SKP1: variants seen among roughly 807,000 people sequenced by gnomAD.
SKP1 encodes the protein S-phase kinase-associated protein 1.
A neutral mutation model predicts 21.5 loss-of-function variants in SKP1; 1 was observed. The ratio of observed to expected loss-of-function variants is 0.05; its 90% CI spans 0.02 to 0.22. SKP1 has a LOEUF of 0.22. SKP1 is among the 10% of genes least tolerant of loss of function. The probability of loss-of-function intolerance (pLI) is 1.00; values close to 1 mark genes in which losing one functional copy is unlikely to be tolerated. For synonymous variants in SKP1, 59 were observed against 59.3 expected (o/e 0.99, Z 0.03); for missense variants, 70 against 192.0 (o/e 0.36, Z 3.76).
intron 3 of SKP1, among the ~76,000 whole-genome samples, chr5:134,166,773 A>T (rs1427304762): frequency 6.6e-6 from 1 of 152,158 alleles, no homozygotes; most frequent in Non-Finnish European, 1.5e-5. Flanking sequence ...TCTAAGAAAG[A>T]CAGTCACGAT....
At chr5:134,170,023 G>C (rs1342070152) in intron 2 of SKP1, among the ~76,000 whole-genome samples, 2 of 139,664 alleles carry the variant, frequency 1.4e-5, no homozygotes, top group Non-Finnish European at 3.1e-5. Flanking sequence ...AAAAAAATTA[G>C]CTGGGTGTGG....
At position 134,160,971 on chromosome 5, in the gene SKP1, C is replaced by G; in HGVS notation, c.315+16G>C. 1 of 1,596,616 alleles carries G rather than the reference C, an allele frequency of 6.3e-7. No individual in the cohort carries two copies. The highest frequency in any genetic ancestry group is 1.3e-5 in the African/African-American group (1 of 74,638). On this transcript the variant is annotated intron_variant, in intron 4 of 5. Coordinates refer to ENST00000353411, the MANE Select transcript of SKP1 (RefSeq NM_170679.3). ...AAGGCTCTAGAGTAGAGCTATCTTA[C>G]ACATTAAAAACTTACCAGAATGAGT...
In SKP1 at chr5:134,151,755, A is replaced by G. The variant is rs1253086904; in HGVS notation, c.*5978T>C. ...ACATTCCTCCCATAGAATGCTGCTC[A>G]ATACTGGCACACAGACCAGAGGTAG... On this transcript the variant is annotated 3_prime_UTR_variant, in exon 6 of 6. Coordinates refer to ENST00000353411, the MANE Select transcript of SKP1 (RefSeq NM_170679.3). 3 of 454,340 alleles carry G rather than the reference A, an allele frequency of 6.6e-6. 1 individual carries two copies. The highest frequency in any genetic ancestry group is 6.5e-4 in the Middle Eastern group (2 of 3,090). The allele number at this position is 454,340 out of a possible 1,614,324, so 28.1% of individuals were successfully genotyped here.
chr5:134,159,119 ACTTTT>A (rs1272282456), intron 4 of SKP1, among the ~76,000 whole-genome samples: 4 of 152,098 alleles, frequency 2.6e-5, no homozygotes, highest in African/African-American at 9.7e-5. Flanking sequence ...CCGATTTGAA[ACTTTT>A]CTTCTTTTCT....
At chr5:134,166,770 A>C (rs1160210572) in intron 3 of SKP1, among the ~76,000 whole-genome samples, 1 of 152,184 alleles carries the variant, frequency 6.6e-6, no homozygotes, top group Non-Finnish European at 1.5e-5. Flanking sequence ...AAATCTAAGA[A>C]AGACAGTCAC....
chr5:134,175,973 A>T (rs1305946572), intron 1 of SKP1, among the ~76,000 whole-genome samples: 1 of 152,184 alleles, frequency 6.6e-6, no homozygotes, highest in African/African-American at 2.4e-5. Context: ...CGAAATTCTG[A>T]CACTGCTTTT....
chr5:134,161,757 C>T (rs1388973445), intron 3 of SKP1: 1 of 152,168 alleles, frequency 6.6e-6, no homozygotes, highest in South Asian at 2.1e-4. Flanking sequence ...ACCCTAGACA[C>T]ATGTGTGAGA....
Position 134,164,322 on chromosome 5 carries a change from G to GAA in SKP1, c.171+2846_171+2847dup, listed in dbSNP as rs55637997. On this transcript the variant is annotated intron_variant, in intron 3 of 5. Coordinates refer to ENST00000353411, the MANE Select transcript of SKP1 (RefSeq NM_170679.3). Reference sequence around the variant, plus strand: ...CAACAAGAGCAAAACTCCATCTCAAGAAAAAAAAAAAAAAAAAAAAAAAAA... The same window carrying GAA: ...CAACAAGAGCAAAACTCCATCTCAAGAAAAAAAAAAAAAAAAAAAAAAAAAAA... Among the ~76,000 whole-genome samples the GAA allele has an allele frequency of 1.8e-3, 223 of 122,062 alleles. 1 individual carries two copies. Among genetic ancestry groups the GAA allele is most frequent in the Middle Eastern group, 4.2e-3 (1 of 238 alleles). The allele number at this position is 122,062 out of a possible 152,430, so 80.1% of individuals were successfully genotyped here.
In SKP1 at chr5:134,153,325, A is replaced by G. The variant is rs1761071399; in HGVS notation, c.*4408T>C. ...TCTCTATAAAAATCAATTTAAAAAA[A>G]CAAAAACTAGCAAGGCATGGTAGCA... On this transcript the variant is annotated 3_prime_UTR_variant, in exon 6 of 6. Coordinates refer to ENST00000353411, the MANE Select transcript of SKP1 (RefSeq NM_170679.3). The G allele has an allele frequency of 6.6e-6, 1 of 152,204 alleles. No individual in the cohort carries two copies. The highest frequency in any genetic ancestry group is 1.5e-5 in the Non-Finnish European group (1 of 68,042). The allele number at this position is 152,204 out of a possible 1,614,324, so 9.4% of individuals were successfully genotyped here. A position where few individuals can be genotyped will look rare whatever the true frequency, so the allele number is the denominator to read the frequency against.
At chr5:134,159,449 C>G (rs1322082633) in intron 4 of SKP1, among the ~76,000 whole-genome samples, 1 of 152,114 alleles carries the variant, frequency 6.6e-6, no homozygotes, top group South Asian at 2.1e-4. Flanking sequence ...GGCGTGATCT[C>G]GGCTCACTGC....
In SKP1 at chr5:134,156,240, T is replaced by TGAGAGAGAGA. The variant is rs33989593; in HGVS notation, c.*1483_*1492dup. 6.8e-6 allele frequency: 1 copy of TGAGAGAGAGA among 147,126 alleles called. No homozygotes were observed. The highest frequency in any genetic ancestry group is 6.8e-5 in the Admixed American group (1 of 14,682). 9.1% of individuals were successfully genotyped at this position (147,126 alleles called of 1,614,324 possible). ...ACAAACAGAAAACAAGCTTATCTCC[T>TGAGAGAGAGA]GAGAGAGAGAGAGAGAGAGAGAGAG... On this transcript the variant is annotated 3_prime_UTR_variant, in exon 6 of 6. Coordinates refer to ENST00000353411, the MANE Select transcript of SKP1 (RefSeq NM_170679.3).
chr5:134,157,538 T>C lies in SKP1; in HGVS notation c.*195A>G, dbSNP rs1580923857. On this transcript the variant is annotated 3_prime_UTR_variant, in exon 6 of 6. Coordinates refer to ENST00000353411, the MANE Select transcript of SKP1 (RefSeq NM_170679.3). Reference sequence around the variant, plus strand: ...CAAAGAAAAAAGAAACTTTCCATCATACTAGAAGAAACTTGGCCGTAAGGT... The same window carrying C: ...CAAAGAAAAAAGAAACTTTCCATCACACTAGAAGAAACTTGGCCGTAAGGT... 24 of 572,678 alleles carry C rather than the reference T, an allele frequency of 4.2e-5. No individual in the cohort carries two copies. The East Asian group carries it at 6.4e-4, about 15-fold the overall frequency. 35.5% of individuals were successfully genotyped at this position (572,678 alleles called of 1,614,324 possible). A position where few individuals can be genotyped will look rare whatever the true frequency, so the allele number is the denominator to read the frequency against.
At chr5:134,166,516 G>A (rs991232411) in intron 3 of SKP1, among the ~76,000 whole-genome samples, 8 of 140,370 alleles carry the variant, frequency 5.7e-5, no homozygotes, top group Non-Finnish European at 1.1e-4. Flanking sequence ...AGGAGGCAGA[G>A]GTTGCAGTGA....
At chr5:134,163,798 A>C (rs1288615785) in intron 3 of SKP1, among the ~76,000 whole-genome samples, 2 of 152,044 alleles carry the variant, frequency 1.3e-5, no homozygotes, top group Admixed American at 6.6e-5. Flanking sequence ...TCAAACAAAC[A>C]AACCAAACAA....
At chr5:134,165,567 G>T (rs1415182545) in intron 3 of SKP1, among the ~76,000 whole-genome samples, 2 of 144,886 alleles carry the variant, frequency 1.4e-5, no homozygotes, top group African/African-American at 2.6e-5. Flanking sequence ...TCCAGCCTGG[G>T]CGACAGAGTG....
chr5:134,163,974 T>C (rs1280311006), intron 3 of SKP1, among the ~76,000 whole-genome samples: 3 of 152,172 alleles, frequency 2.0e-5, no homozygotes, highest in African/African-American at 7.2e-5. Context: ...GTCACTGTAC[T>C]TGCTCCCAAA....
intron 4 of SKP1, among the ~76,000 whole-genome samples, chr5:134,159,801 C>A (rs998471981): frequency 1.3e-5 from 2 of 151,960 alleles, no homozygotes; most frequent in Non-Finnish European, 2.9e-5. Flanking sequence ...CCCACCTTGG[C>A]CTCCCAAAGT....
chr5:134,156,925 T>C lies in SKP1; in HGVS notation c.*808A>G, dbSNP rs1378416276. ...AGTATCTTGCATTCATGATGGATGC[T>C]TTCTGGGTTTTACCACATATTTTAA... On this transcript the variant is annotated 3_prime_UTR_variant, in exon 6 of 6. Coordinates refer to ENST00000353411, the MANE Select transcript of SKP1 (RefSeq NM_170679.3). 2 of 152,672 alleles carry C rather than the reference T, an allele frequency of 1.3e-5. No individual in the cohort carries two copies. Among genetic ancestry groups the C allele is most frequent in the Non-Finnish European group, 2.9e-5 (2 of 68,032 alleles). 9.5% of individuals were successfully genotyped at this position (152,672 alleles called of 1,614,324 possible).
intron 1 of SKP1, among the ~76,000 whole-genome samples, chr5:134,176,071 A>G (rs74632339): frequency 0.012 from 1,831 of 152,334 alleles, 20 homozygotes; most frequent in Non-Finnish European, 0.02. Flanking sequence ...ATGTCCCTAA[A>G]ACCCAAACGT....
Sources: gnomAD v4.1 joint callset for allele counts (sites outside exome capture counted in the v4.1 genomes callset) on GRCh38, gnomAD v4.1.1 for gene constraint, MANE v1.5 for transcripts, NCBI Gene and HGNC (gene_info 2026-07-23, HGNC 2026-07-21) for gene names.